DCC: variants seen among roughly 807,000 people sequenced by gnomAD.
DCC encodes the protein DCC netrin 1 receptor.
In DCC, 58 loss-of-function variants were observed where a neutral mutation model predicts 172.5. The ratio of observed to expected loss-of-function variants is 0.34; its 90% CI spans 0.27 to 0.42. DCC has a LOEUF of 0.42. Among genes scored for constraint, DCC ranks in the 10% least tolerant of loss-of-function variants. The pLI is 1.00. For missense variants in DCC, 1,740 were observed against 1,791.0 expected (o/e 0.97, Z 0.51); for synonymous variants, 709 against 644.5 (o/e 1.10, Z -1.52).
chr18:52,752,709 T>C (rs2037017105), intron 2 of DCC, among the ~76,000 whole-genome samples: 1 of 152,192 alleles, frequency 6.6e-6, no homozygotes, highest in African/African-American at 2.4e-5. Context: ...TCTCTCTCAC[T>C]GAAACCTTGT....
At chr18:52,359,507 A>G (rs966655623) in intron 1 of DCC, among the ~76,000 whole-genome samples, 1 of 152,122 alleles carries the variant, frequency 6.6e-6, no homozygotes, top group Non-Finnish European at 1.5e-5. Flanking sequence ...GGGATTTCAG[A>G]GTAAGCTTAC....
intron 2 of DCC, among the ~76,000 whole-genome samples, chr18:52,773,638 T>G (rs938705710): frequency 1.3e-5 from 2 of 152,278 alleles, no homozygotes; most frequent in East Asian, 3.9e-4. Context: ...GCAATTCTCC[T>G]GCGTCAGCCT....
chr18:53,358,130 G>C (rs1568080008), intron 15 of DCC, among the ~76,000 whole-genome samples: 2 of 152,070 alleles, frequency 1.3e-5, no homozygotes, highest in South Asian at 2.1e-4. Flanking sequence ...GTAGAATATG[G>C]AATCTAATGA....
chr18:53,434,695 T>C (rs1429654451), intron 21 of DCC, among the ~76,000 whole-genome samples: 1 of 152,188 alleles, frequency 6.6e-6, no homozygotes, highest in Non-Finnish European at 1.5e-5. Flanking sequence ...AGCCCAGTTA[T>C]AAGATGAAAT....
At chr18:53,156,978 GA>G (rs1170734284) in intron 7 of DCC, among the ~76,000 whole-genome samples, 6 of 152,012 alleles carry the variant, frequency 3.9e-5, no homozygotes, top group Non-Finnish European at 7.3e-5. Context: ...TTACAATATT[GA>G]ATCATATTAT....
At chr18:52,973,702 CTA>C (rs1246242996) in intron 5 of DCC, among the ~76,000 whole-genome samples, 3 of 152,152 alleles carry the variant, frequency 2.0e-5, no homozygotes, top group Admixed American at 2.0e-4. Flanking sequence ...ACCATCTTTA[CTA>C]TGTTACAGAA....
At chr18:52,505,372 A>C (rs898398104) in intron 1 of DCC, among the ~76,000 whole-genome samples, 1 of 152,194 alleles carries the variant, frequency 6.6e-6, no homozygotes, top group Non-Finnish European at 1.5e-5. Flanking sequence ...AGAGAAGGTA[A>C]TGGAATTGCC....
At chr18:53,137,019 T>C (rs763762936) in intron 7 of DCC, among the ~76,000 whole-genome samples, 1 of 152,258 alleles carries the variant, frequency 6.6e-6, no homozygotes, top group Non-Finnish European at 1.5e-5. Flanking sequence ...TGATAATTTC[T>C]ACTTACCTAG....
At chr18:52,582,942 A>G (rs2033586852) in intron 1 of DCC, among the ~76,000 whole-genome samples, 1 of 152,194 alleles carries the variant, frequency 6.6e-6, no homozygotes, top group South Asian at 2.1e-4. Flanking sequence ...CCATGGCTCC[A>G]GGAAATATAG....
At chr18:52,822,312 G>A (rs1356163125) in intron 2 of DCC, among the ~76,000 whole-genome samples, 1 of 152,178 alleles carries the variant, frequency 6.6e-6, no homozygotes, top group Non-Finnish European at 1.5e-5. Context: ...AACAAGGAGT[G>A]AAATGTGCTA....
chr18:53,393,699 G>C (rs953683045), intron 17 of DCC, among the ~76,000 whole-genome samples: 2 of 152,170 alleles, frequency 1.3e-5, no homozygotes, highest in Non-Finnish European at 2.9e-5. Flanking sequence ...AAGGAAAAAT[G>C]ATTGTTTTCT....
At chr18:53,001,230 G>A (rs566274179) in intron 5 of DCC, among the ~76,000 whole-genome samples, 24 of 152,182 alleles carry the variant, frequency 1.6e-4, no homozygotes, top group Admixed American at 1.4e-3. Context: ...AGACTCAAAA[G>A]ATGGCCATTG....
intron 26 of DCC, among the ~76,000 whole-genome samples, chr18:53,493,865 C>G (rs1022047803): frequency 4.0e-5 from 6 of 151,880 alleles, no homozygotes; most frequent in African/African-American, 1.5e-4. Context: ...TTGTCTTCTG[C>G]TAGCTTTTGA....
chr18:52,583,125 A>G (rs1398778689), intron 1 of DCC, among the ~76,000 whole-genome samples: 2 of 152,188 alleles, frequency 1.3e-5, no homozygotes, highest in Non-Finnish European at 2.9e-5. Context: ...TAAATCAACA[A>G]CTATAATATC....
chr18:52,739,201 A>G (rs2036777466), intron 1 of DCC, among the ~76,000 whole-genome samples: 1 of 152,150 alleles, frequency 6.6e-6, no homozygotes, highest in Non-Finnish European at 1.5e-5. Flanking sequence ...TCATTAACCA[A>G]AACATTATTA....
intron 7 of DCC, among the ~76,000 whole-genome samples, chr18:53,104,618 A>G (rs2043218751): frequency 3.9e-5 from 6 of 152,076 alleles, no homozygotes. Context: ...GTAATTCAAA[A>G]AAAATGCAAT....
chr18:53,317,759 G>A (rs1186826752), intron 13 of DCC, among the ~76,000 whole-genome samples: 2 of 152,136 alleles, frequency 1.3e-5, no homozygotes, highest in South Asian at 2.1e-4. Context: ...AGATTTTCTA[G>A]TTTATTTGCA....
chr18:53,092,918 TCA>T (rs780478907), intron 7 of DCC, among the ~76,000 whole-genome samples: 55 of 152,022 alleles, frequency 3.6e-4, no homozygotes, highest in Non-Finnish European at 4.3e-4. Context: ...AGCAACTGAA[TCA>T]CAAGAATGGA....
chr18:53,503,950 C>G (rs1031345882), intron 27 of DCC, among the ~76,000 whole-genome samples: 2 of 152,198 alleles, frequency 1.3e-5, no homozygotes, highest in Non-Finnish European at 2.9e-5. Context: ...GTGGACATGA[C>G]AAGTCCAAAA....
Sources: allele counts gnomAD v4.1 joint callset (sites outside exome capture counted in the v4.1 genomes callset), GRCh38; gene constraint gnomAD v4.1.1; transcripts MANE v1.5; gene names NCBI Gene and HGNC (gene_info 2026-07-23, HGNC 2026-07-21).